TAF5L: variants seen among roughly 807,000 people sequenced by gnomAD.
TAF5L encodes TATA-box binding protein associated factor 5 like.
A neutral mutation model predicts 51.3 loss-of-function variants in TAF5L; 7 were observed. That is an observed-to-expected ratio of 0.14 (90% confidence interval 0.08 to 0.26). The LOEUF (loss-of-function observed/expected upper bound fraction) is 0.26, where lower values mean the gene tolerates loss of function less well. TAF5L is among the 10% of genes least tolerant of loss of function. TAF5L has a pLI of 1.00. For missense variants in TAF5L, 575 were observed against 758.9 expected (o/e 0.76, Z 2.85); for synonymous variants, 291 against 308.1 (o/e 0.94, Z 0.58).
chr1:229,607,185 T>C, intron 3 of TAF5L: 3 of 982,656 alleles, frequency 3.1e-6, no homozygotes, highest in Non-Finnish European at 3.6e-6. Context: ...TCGTCACCTC[T>C]TCTTCCTCCT....
At chr1:229,605,128 A>ATATATATATTTATATATATATTTTT (rs1340196774) in intron 3 of TAF5L, among the ~76,000 whole-genome samples, 1 of 145,098 alleles carries the variant, frequency 6.9e-6, no homozygotes, top group African/African-American at 2.6e-5. Flanking sequence ...ATATATATGT[A>ATATATATATTTATATATATATTTTT]TTTTTTTTTT....
Position 229,594,498 on chromosome 1 carries a change from G to A in TAF5L, c.1569C>T (p.Gly523=). 1.2e-6 allele frequency: 2 copies of A among 1,614,154 alleles called. No individual in the cohort carries two copies. Among genetic ancestry groups the A allele is most frequent in the African/African-American group, 1.3e-5 (1 of 75,050 alleles). The stretch of plus-strand genomic sequence containing the variant: ...TGTCCATGGAGGCAGAGGCAATCAA[G>A]CCGCTGTCTGGACTGAAGGTGAGGC... The change falls in exon 5 of 5, where the codon GGC becomes GGT. Residue 523 remains glycine (G), a synonymous_variant. Coordinates refer to ENST00000258281, the Ensembl canonical transcript of TAF5L. This position sits in a 1 kb window ranked among gnomAD's most constrained non-coding sequence, Gnocchi z 7.9.
intron 3 of TAF5L, among the ~76,000 whole-genome samples, chr1:229,604,822 T>C (rs1191311656): frequency 6.6e-6 from 1 of 152,228 alleles, no homozygotes; most frequent in African/African-American, 2.4e-5. Context: ...ACTGTAATTG[T>C]TGTATTTCTT....
At chr1:229,609,302 C>T (rs1017842480) in intron 3 of TAF5L, among the ~76,000 whole-genome samples, 3 of 152,126 alleles carry the variant, frequency 2.0e-5, no homozygotes, top group African/African-American at 7.2e-5. Flanking sequence ...AATGACATTA[C>T]ATACATTTTT....
intron 1 of TAF5L, among the ~76,000 whole-genome samples, chr1:229,619,340 C>T (rs1665121841): frequency 6.6e-6 from 1 of 152,194 alleles, no homozygotes; most frequent in Non-Finnish European, 1.5e-5. Context: ...TCAATCTTTG[C>T]TCAGACTGAC....
At chr1:229,603,516 A>G (rs1353068610) in intron 3 of TAF5L, among the ~76,000 whole-genome samples, 1 of 152,206 alleles carries the variant, frequency 6.6e-6, no homozygotes, top group African/African-American at 2.4e-5. Context: ...GGGCTCATTA[A>G]CATGTCTGGT....
intron 4 of TAF5L, among the ~76,000 whole-genome samples, chr1:229,597,614 T>G (rs561761295): frequency 6.6e-6 from 1 of 152,344 alleles, no homozygotes; most frequent in African/African-American, 2.4e-5. Flanking sequence ...TTCTCTCTCC[T>G]GCCGACAGGA....
chr1:229,602,845 C>G lies in TAF5L; in HGVS notation c.322G>C (p.Val108Leu). The change falls in exon 4 of 5, where the codon GTC (valine) becomes CTC (leucine). Residue 108 changes from valine (V) to leucine (L), a missense_variant. This residue lies in a region of TAF5L where 380 missense variants were observed against 443.7 expected (regional missense o/e 0.86). Transcript: ENST00000258281. This position sits in a 1 kb window ranked among gnomAD's most constrained non-coding sequence, Gnocchi z 4.6. ...ACTGTGCTCTTCGGACTGTTTTGGA[C>G]CAGGTTGAGATGGAGGTAGACAAAG... The G allele has an allele frequency of 6.2e-7, 1 of 1,611,480 alleles. No individual in the cohort carries two copies. The highest frequency in any genetic ancestry group is 8.5e-7 in the Non-Finnish European group (1 of 1,179,972).
intron 4 of TAF5L, among the ~76,000 whole-genome samples, chr1:229,597,245 TGTAA>T (rs1481526519): frequency 7.2e-5 from 11 of 152,074 alleles, no homozygotes; most frequent in Non-Finnish European, 1.6e-4. Context: ...GCCTCTGAGG[TGTAA>T]GTGGTCTTCA....
intron 1 of TAF5L, among the ~76,000 whole-genome samples, chr1:229,623,696 A>G (rs10916530): frequency 0.57 from 87,016 of 151,656 alleles, 25,325 homozygotes; most frequent in East Asian, 0.77. Context: ...AAGACACTTA[A>G]AGCATTTAAA....
At chr1:229,610,801 A>G (rs1342198617) in intron 2 of TAF5L, among the ~76,000 whole-genome samples, 1 of 152,074 alleles carries the variant, frequency 6.6e-6, no homozygotes, top group East Asian at 1.9e-4. Flanking sequence ...TTCCCCCTAC[A>G]TTACTTATAA....
intron 1 of TAF5L, among the ~76,000 whole-genome samples, chr1:229,622,919 C>CTA (rs778818676): frequency 6.6e-6 from 1 of 152,316 alleles, no homozygotes; most frequent in Non-Finnish European, 1.5e-5. Flanking sequence ...AAACATAATA[C>CTA]TATACTACTA....
In TAF5L at chr1:229,616,352, G is replaced by C. The variant is rs534790275; in HGVS notation, c.-3-1867C>G. Among the ~76,000 whole-genome samples the C allele has an allele frequency of 9.2e-5, 12 of 130,744 alleles. No individual in the cohort carries two copies. The South Asian group carries it at 3.3e-3, about 36-fold the overall frequency. 85.8% of individuals were successfully genotyped at this position (130,744 alleles called of 152,430 possible). A position where few individuals can be genotyped will look rare whatever the true frequency, so the allele number is the denominator to read the frequency against. ...TAAGATGTAAAATTCCACCTTTTCC[G>C]GAAGTCTATTTATTTATTTATATTT... is the stretch of plus-strand genomic sequence containing the variant. On this transcript the variant is annotated intron_variant, in intron 1 of 4. Transcript: ENST00000258281.
At chr1:229,603,250 AAT>A (rs1292313398) in intron 3 of TAF5L, among the ~76,000 whole-genome samples, 1 of 152,178 alleles carries the variant, frequency 6.6e-6, no homozygotes, top group East Asian at 1.9e-4. Flanking sequence ...ATTTTTTCCC[AAT>A]ATGTTAGTGT....
chr1:229,614,596 T>C, intron 1 of TAF5L, 111 bp from the exon 2 acceptor site: 1 of 1,396,764 alleles, frequency 7.2e-7, no homozygotes, highest in Non-Finnish European at 9.8e-7. Context: ...AGACCAGCCA[T>C]GTGGCTAAGT....
intron 4 of TAF5L, chr1:229,601,693 C>T (rs1664380833): frequency 1.0e-6 from 1 of 986,952 alleles, no homozygotes; most frequent in African/African-American, 1.9e-5. Context: ...AAGCCAATAC[C>T]ATCCATCCAG....
chr1:229,620,006 A>G (rs1165385069), intron 1 of TAF5L, among the ~76,000 whole-genome samples: 1 of 152,108 alleles, frequency 6.6e-6, no homozygotes, highest in African/African-American at 2.4e-5. Context: ...TAATGGTGCC[A>G]CTATCCACCA....
chr1:229,612,074 C>A (rs1664811071), intron 2 of TAF5L, among the ~76,000 whole-genome samples: 1 of 152,216 alleles, frequency 6.6e-6, no homozygotes. Context: ...CTTCTCAGAG[C>A]TAGGGTCAAA....
chr1:229,606,223 T>C (rs1216710474), intron 3 of TAF5L: 8 of 974,560 alleles, frequency 8.2e-6, no homozygotes, highest in Non-Finnish European at 9.8e-6. Context: ...ACTGATCAAT[T>C]TGGAAGAAGG....
Sources: gnomAD v4.1 joint callset for allele counts (sites outside exome capture counted in the v4.1 genomes callset) on GRCh38, gnomAD v4.1.1 for gene constraint, gnomAD v4.1.1 regional missense constraint, Gnocchi (gnomAD v3.1) non-coding constraint, MANE v1.5 for transcripts, NCBI Gene and HGNC (gene_info 2026-07-23, HGNC 2026-07-21) for gene names.